CASS4: variants seen among roughly 807,000 people sequenced by gnomAD.
CASS4 encodes the protein Cas scaffold protein family member 4, also known as cas scaffolding protein family member 4.
Under a neutral mutation model 54.2 loss-of-function variants are expected in CASS4, and 22 were observed. The ratio of observed to expected loss-of-function variants is 0.41; its 90% CI spans 0.29 to 0.58. CASS4 has a LOEUF of 0.58. Ranked by LOEUF, CASS4 falls within the 20% of genes least tolerant of loss-of-function variation. The pLI is 0.36. For missense variants in CASS4, 854 were observed against 986.7 expected (o/e 0.87, Z 1.80); for synonymous variants, 409 against 391.5 (o/e 1.04, Z -0.53).
chr20:56,427,210 G>A (rs1979681165), intron 1 of CASS4, among the ~76,000 whole-genome samples: 1 of 149,488 alleles, frequency 6.7e-6, no homozygotes, highest in South Asian at 2.1e-4. Context: ...TCACCCTTCT[G>A]GAGGTGACTT....
intron 1 of CASS4, among the ~76,000 whole-genome samples, chr20:56,419,942 CTG>C (rs1293716875): frequency 6.6e-6 from 1 of 152,140 alleles, no homozygotes; most frequent in Non-Finnish European, 1.5e-5. Flanking sequence ...ACTCAGGAGA[CTG>C]AGGCAGGAGA....
intron 1 of CASS4, among the ~76,000 whole-genome samples, chr20:56,422,003 G>A (rs1395644533): frequency 6.6e-6 from 1 of 152,192 alleles, no homozygotes; most frequent in African/African-American, 2.4e-5. Context: ...TTTGGCGATT[G>A]CCCTGGGAAG....
chr20:56,425,963 T>G lies in CASS4; in HGVS notation c.37-11201T>G, dbSNP rs367927326. 2.6e-4 allele frequency among the ~76,000 whole-genome samples: 39 copies of G among 152,390 alleles called. 1 individual carries two copies. In the South Asian group the frequency reaches 7.9e-3, roughly 31 times the overall value. Reference sequence around the variant, plus strand: ...AAATTTAATACTACATTTTGGAGATTGTCCCGTTTCCATTGACATAAGCTC... The same window carrying G: ...AAATTTAATACTACATTTTGGAGATGGTCCCGTTTCCATTGACATAAGCTC... On this transcript the variant is annotated intron_variant, in intron 1 of 5. Coordinates refer to ENST00000679887, the MANE Select transcript of CASS4 (RefSeq NM_020356.4).
intron 5 of CASS4, among the ~76,000 whole-genome samples, chr20:56,456,051 G>A (rs1233796575): frequency 6.7e-6 from 1 of 148,538 alleles, no homozygotes; most frequent in African/African-American, 2.5e-5. Context: ...GTTTGCAGGT[G>A]ACGTTGATGC....
At chr20:56,450,091 G>A (rs963523449) in intron 3 of CASS4, among the ~76,000 whole-genome samples, 1 of 151,810 alleles carries the variant, frequency 6.6e-6, no homozygotes, top group African/African-American at 2.4e-5. Flanking sequence ...GAGCACAATG[G>A]TGCGATCTTG....
intron 1 of CASS4, among the ~76,000 whole-genome samples, chr20:56,426,377 C>T (rs775994936): frequency 1.3e-5 from 2 of 152,198 alleles, no homozygotes; most frequent in African/African-American, 4.8e-5. Flanking sequence ...TGAGAACCCG[C>T]GAGCTATCCT....
At chr20:56,446,109 G>T (rs1365070890) in intron 3 of CASS4, 108 bp downstream of exon 3, 9 of 708,078 alleles carry the variant, frequency 1.3e-5, no homozygotes, top group Non-Finnish European at 2.1e-5. Context: ...GCGGCCAGGG[G>T]CTCAGCCTCC....
intron 1 of CASS4, among the ~76,000 whole-genome samples, chr20:56,423,934 A>G (rs1015175802): frequency 6.6e-6 from 1 of 152,206 alleles, no homozygotes; most frequent in African/African-American, 2.4e-5. Context: ...TTTTCTGCAC[A>G]TTCTGGAGCT....
chr20:56,424,160 T>C (rs1474345197), intron 1 of CASS4, among the ~76,000 whole-genome samples: 2 of 152,198 alleles, frequency 1.3e-5, no homozygotes, highest in Admixed American at 1.3e-4. Context: ...TACTTAGCTA[T>C]CACCTCATTA....
chr20:56,435,820 G>A (rs747708829), intron 1 of CASS4, among the ~76,000 whole-genome samples: 4 of 151,974 alleles, frequency 2.6e-5, no homozygotes, highest in Non-Finnish European at 4.4e-5. Context: ...GCATGATCTC[G>A]GCTCATTGCA....
At position 56,412,822 on chromosome 20, in the gene CASS4, C is replaced by G. The variant is rs540620756; in HGVS notation, c.36+328C>G. Among the ~76,000 whole-genome samples the G allele has an allele frequency of 6.6e-6, 1 of 152,288 alleles. No individual in the cohort carries two copies. Among genetic ancestry groups the G allele is most frequent in the Non-Finnish European group, 1.5e-5 (1 of 68,022 alleles). On this transcript the variant is annotated intron_variant, in intron 1 of 5. Coordinates refer to ENST00000679887, the MANE Select transcript of CASS4 (RefSeq NM_020356.4). This position sits in a 1 kb window ranked among gnomAD's most constrained non-coding sequence, Gnocchi z 4.2. ...CAGCCCCCGCTAATTCCTTCTTTCT[C>G]TGGACCCCAAAGACACTCAGTGCCA... is the stretch of plus-strand genomic sequence containing the variant.
intron 2 of CASS4, among the ~76,000 whole-genome samples, chr20:56,442,011 A>AGTCAGGTTTACTGAGTGTAAAG (rs1980484191): frequency 6.6e-6 from 1 of 151,978 alleles, no homozygotes; most frequent in African/African-American, 2.4e-5. Flanking sequence ...CCGCCCAGAA[A>AGTCAGGTTTACTGAGTGTAAAG]ATACATTCCA....
intron 3 of CASS4, among the ~76,000 whole-genome samples, chr20:56,447,969 C>T (rs1284929445): frequency 2.6e-5 from 4 of 152,024 alleles, no homozygotes; most frequent in South Asian, 2.1e-4. Context: ...GGTGAAACCC[C>T]GTCTCTACTA....
chr20:56,443,706 A>ATAGGCTCTGTGCACAACGC (rs1409533287), intron 2 of CASS4, among the ~76,000 whole-genome samples: 1 of 152,092 alleles, frequency 6.6e-6, no homozygotes, highest in African/African-American at 2.4e-5. Context: ...CTGTGTCTTG[A>ATAGGCTCTGTGCACAACGC]TAGGCTCTGT....
intron 1 of CASS4, among the ~76,000 whole-genome samples, chr20:56,421,614 C>T (rs1206868218): frequency 6.6e-6 from 1 of 152,058 alleles, no homozygotes. Context: ...GAGGATCGTT[C>T]GAGCCCAGGA....
chr20:56,435,919 T>A (rs1205455749), intron 1 of CASS4, among the ~76,000 whole-genome samples: 1 of 151,890 alleles, frequency 6.6e-6, no homozygotes, highest in Non-Finnish European at 1.5e-5. Flanking sequence ...CCCAGCTAAT[T>A]TTTTTTATTT....
chr20:56,417,063 G>A (rs1420223594), intron 1 of CASS4, among the ~76,000 whole-genome samples: 1 of 152,190 alleles, frequency 6.6e-6, no homozygotes, highest in Non-Finnish European at 1.5e-5. Context: ...ACATCTCAAG[G>A]TTGGTTTAAA....
intron 5 of CASS4, among the ~76,000 whole-genome samples, chr20:56,455,034 T>C (rs1322429704): frequency 1.3e-5 from 2 of 152,178 alleles, no homozygotes; most frequent in Non-Finnish European, 2.9e-5. Flanking sequence ...CCGTTCCTCT[T>C]TGACATTCTG....
intron 1 of CASS4, among the ~76,000 whole-genome samples, chr20:56,427,577 C>T (rs1979704226): frequency 6.6e-6 from 1 of 152,166 alleles, no homozygotes; most frequent in South Asian, 2.1e-4. Context: ...CCATTCTGCA[C>T]TCTCTCGATG....
Sources: gnomAD v4.1 joint callset for allele counts (sites outside exome capture counted in the v4.1 genomes callset) on GRCh38, gnomAD v4.1.1 for gene constraint, Gnocchi (gnomAD v3.1) non-coding constraint, MANE v1.5 for transcripts, NCBI Gene and HGNC (gene_info 2026-07-23, HGNC 2026-07-21) for gene names.